The following NKAIN2 variants were observed in gnomAD, a reference collection of about 807,000 sequenced individuals.
The protein encoded by NKAIN2 is sodium/potassium transporting ATPase interacting 2, also known as sodium/potassium-transporting ATPase subunit beta-1-interacting protein 2.
Under a neutral mutation model 32.6 loss-of-function variants are expected in NKAIN2, and 14 were observed. The ratio of observed to expected loss-of-function variants is 0.43; its 90% CI spans 0.28 to 0.67. NKAIN2 has a LOEUF of 0.67. Ranked by LOEUF, NKAIN2 falls within the 30% of genes least tolerant of loss-of-function variation. The pLI, the probability that NKAIN2 is intolerant of heterozygous loss-of-function variation, is 0.17. For synonymous variants in NKAIN2, 80 were observed against 87.2 expected (o/e 0.92, Z 0.46); for missense variants, 198 against 258.3 (o/e 0.77, Z 1.60).
At chr6:124,196,483 T>A (rs1790320399) in intron 1 of NKAIN2, among the ~76,000 whole-genome samples, 1 of 152,078 alleles carries the variant, frequency 6.6e-6, no homozygotes, top group African/African-American at 2.4e-5. Context: ...TAAACAGATT[T>A]GGTTTTAATT....
chr6:124,595,290 A>T (rs1782043792), intron 3 of NKAIN2, among the ~76,000 whole-genome samples: 1 of 152,086 alleles, frequency 6.6e-6, no homozygotes, highest in South Asian at 2.1e-4. Context: ...ACTCCCTTTG[A>T]CTGATCCCAG....
At position 124,824,976 on chromosome 6, in the gene NKAIN2, G is replaced by A. The variant is rs1781530362; in HGVS notation, c.*1747G>A. The A allele has an allele frequency of 6.6e-6, 1 of 152,574 alleles. No individual in the cohort carries two copies. Among genetic ancestry groups the A allele is most frequent in the Non-Finnish European group, 1.5e-5 (1 of 68,024 alleles). The allele number at this position is 152,574 out of a possible 1,614,324, so 9.5% of individuals were successfully genotyped here. ...CAGCACTCATGCTTGAATTTCCTCA[G>A]TGGGTTGTATGTTTGTCCATACATA... On this transcript the variant is annotated 3_prime_UTR_variant, in exon 7 of 7. Transcript: ENST00000368417.
chr6:124,519,045 A>T (rs1241644655), intron 3 of NKAIN2, among the ~76,000 whole-genome samples: 1 of 152,200 alleles, frequency 6.6e-6, no homozygotes, highest in East Asian at 1.9e-4. Flanking sequence ...ATCAAGGCAG[A>T]TGTGGACAGA....
intron 5 of NKAIN2, among the ~76,000 whole-genome samples, chr6:124,808,635 G>T (rs1440920807): frequency 6.6e-6 from 1 of 152,182 alleles, no homozygotes; most frequent in Non-Finnish European, 1.5e-5. Context: ...TATGGCCAGG[G>T]CAATTAGACA....
At chr6:124,132,256 A>C (rs1390598266) in intron 1 of NKAIN2, among the ~76,000 whole-genome samples, 1 of 152,124 alleles carries the variant, frequency 6.6e-6, no homozygotes, top group Non-Finnish European at 1.5e-5. Flanking sequence ...TGGCTACAAC[A>C]AGCTCTCTCC....
intron 1 of NKAIN2, among the ~76,000 whole-genome samples, chr6:124,272,851 C>T (rs139639442): frequency 2.2e-3 from 337 of 152,332 alleles, no homozygotes; most frequent in African/African-American, 7.7e-3. Flanking sequence ...AAAATATCAT[C>T]TCAGAGCTTT....
chr6:124,126,552 A>C (rs1013375888), intron 1 of NKAIN2, among the ~76,000 whole-genome samples: 2 of 150,024 alleles, frequency 1.3e-5, no homozygotes, highest in Non-Finnish European at 3.0e-5. Flanking sequence ...CACCTCTTCC[A>C]AATGTCAATG....
chr6:123,952,137 T>C (rs957132063), intron 1 of NKAIN2, among the ~76,000 whole-genome samples: 5 of 152,118 alleles, frequency 3.3e-5, no homozygotes, highest in African/African-American at 1.2e-4. Flanking sequence ...ACTATATTTC[T>C]CCCTCATTTA....
intron 1 of NKAIN2, among the ~76,000 whole-genome samples, chr6:123,854,448 CTGTT>C (rs1410202567): frequency 3.3e-5 from 5 of 152,266 alleles, no homozygotes; most frequent in African/African-American, 9.6e-5. Context: ...TAATGTTTGA[CTGTT>C]TGCTGGAAAT....
At chr6:124,401,761 G>T (rs1158374864) in intron 3 of NKAIN2, among the ~76,000 whole-genome samples, 3 of 151,910 alleles carry the variant, frequency 2.0e-5, no homozygotes, top group Non-Finnish European at 4.4e-5. Flanking sequence ...TTTCTATTGG[G>T]TTTTTGTCAT....
At chr6:123,840,895 A>G (rs1400100085) in intron 1 of NKAIN2, among the ~76,000 whole-genome samples, 2 of 152,144 alleles carry the variant, frequency 1.3e-5, no homozygotes, top group Non-Finnish European at 2.9e-5. Flanking sequence ...AGTGTAGTCT[A>G]GATAGGATTT....
chr6:124,154,543 T>C (rs1362429478), intron 1 of NKAIN2, among the ~76,000 whole-genome samples: 1 of 151,992 alleles, frequency 6.6e-6, no homozygotes, highest in Non-Finnish European at 1.5e-5. Context: ...TACTGCCACT[T>C]TGTGACTCTT....
At chr6:124,120,178 C>A (rs1785808930) in intron 1 of NKAIN2, among the ~76,000 whole-genome samples, 1 of 152,126 alleles carries the variant, frequency 6.6e-6, no homozygotes. Flanking sequence ...CTCATTTTGA[C>A]AAATACATTT....
At chr6:124,220,214 C>G (rs987634916) in intron 1 of NKAIN2, among the ~76,000 whole-genome samples, 2 of 151,306 alleles carry the variant, frequency 1.3e-5, no homozygotes, top group African/African-American at 4.9e-5. Context: ...CCTTCTCTTT[C>G]TCACTATCTC....
At chr6:124,799,141 A>T (rs1780143129) in intron 5 of NKAIN2, among the ~76,000 whole-genome samples, 1 of 152,224 alleles carries the variant, frequency 6.6e-6, no homozygotes, top group Non-Finnish European at 1.5e-5. Flanking sequence ...AAACTAAGTG[A>T]TCAACACCTG....
At chr6:123,973,812 G>A (rs970224192) in intron 1 of NKAIN2, among the ~76,000 whole-genome samples, 3 of 152,046 alleles carry the variant, frequency 2.0e-5, no homozygotes, top group African/African-American at 7.2e-5. Flanking sequence ...AATTGCTAAA[G>A]GATAGAACTT....
intron 1 of NKAIN2, among the ~76,000 whole-genome samples, chr6:124,107,223 C>A (rs918437083): frequency 1.3e-5 from 2 of 152,150 alleles, no homozygotes; most frequent in East Asian, 3.9e-4. Context: ...TGAGGCCGTA[C>A]CCGCAGAGCT....
chr6:124,011,106 A>G (rs1012855011), intron 1 of NKAIN2, among the ~76,000 whole-genome samples: 4 of 152,112 alleles, frequency 2.6e-5, no homozygotes, highest in Admixed American at 1.3e-4. Context: ...TTAATATCCA[A>G]CTATTTGCAG....
chr6:124,378,567 T>G (rs1800090254), intron 3 of NKAIN2, among the ~76,000 whole-genome samples: 1 of 152,132 alleles, frequency 6.6e-6, no homozygotes. Context: ...TCTTAAGAAT[T>G]ACAAGTGAGA....
Sources: allele counts gnomAD v4.1 joint callset (sites outside exome capture counted in the v4.1 genomes callset), GRCh38; gene constraint gnomAD v4.1.1; transcripts MANE v1.5; gene names NCBI Gene and HGNC (gene_info 2026-07-23, HGNC 2026-07-21).